Variants in TACC3 observed in about 807,000 individuals in gnomAD.
TACC3 encodes transforming acidic coiled-coil containing protein 3, also known as transforming acidic coiled-coil-containing protein 3.
In TACC3, 52 loss-of-function variants were observed where a neutral mutation model predicts 86.0. The ratio of observed to expected loss-of-function variants is 0.60; its 90% CI spans 0.48 to 0.76. The LOEUF is 0.76. Ranked by LOEUF, TACC3 falls within the 30% of genes least tolerant of loss-of-function variation. TACC3 has a pLI of 0.00. For missense variants in TACC3, 1,120 were observed against 1,070.4 expected (o/e 1.05, Z -0.65); for synonymous variants, 512 against 430.0 (o/e 1.19, Z -2.36).
rs1717833784 is a variant in TACC3, at chr4:1,728,561, A to G, written c.1159A>G (p.Arg387Gly). 1 of 1,613,976 alleles carries G rather than the reference A, an allele frequency of 6.2e-7. No homozygotes were observed. The highest frequency in any genetic ancestry group is 2.2e-5 in the East Asian group (1 of 44,880). ...GCAGGAGGTGGAGGAGGACGACGGT[A>G]GGAGCGGAGCAGGAGAGGACCCCCC... ...APQEVEEDDGRSGAGEDPPMP... is the reference protein window; with the variant it reads ...APQEVEEDDGGSGAGEDPPMP... The change falls in exon 4 of 16, where the codon AGG becomes GGG. Residue 387 changes from arginine to glycine, a missense_variant. Transcript: ENST00000313288.
intron 10 of TACC3, 62 bp downstream of exon 10, chr4:1,737,764 A>C (rs770735978): frequency 1.4e-6 from 2 of 1,457,974 alleles, no homozygotes; most frequent in Admixed American, 3.9e-5. Flanking sequence ...CTTGGCCAAC[A>C]GTGGGCAGGG....
chr4:1,736,843 G>A (rs1451788169), intron 8 of TACC3, among the ~76,000 whole-genome samples: 2 of 152,278 alleles, frequency 1.3e-5, no homozygotes, highest in East Asian at 1.9e-4. Flanking sequence ...CTGGGAGGCA[G>A]GGGTTGCAGG....
chr4:1,743,168 A>G (rs1473895495), intron 13 of TACC3, among the ~76,000 whole-genome samples: 2 of 151,008 alleles, frequency 1.3e-5, no homozygotes, highest in Non-Finnish European at 2.9e-5. Context: ...AGGCTGAGGC[A>G]GGAGAATCAA....
chr4:1,721,436 C>T (rs1717347974), upstream of TACC3: 4 of 152,068 alleles, frequency 2.6e-5, 1 homozygote, highest in Admixed American at 2.6e-4. Context: ...CGCCCGCCCT[C>T]CTGCGGTCCT....
intron 6 of TACC3, among the ~76,000 whole-genome samples, chr4:1,734,558 G>T (rs1240496235): frequency 6.6e-6 from 1 of 152,176 alleles, no homozygotes; most frequent in African/African-American, 2.4e-5. Flanking sequence ...TTCAAGACCA[G>T]CCCTGGCAAC....
intron 4 of TACC3, 34 bp from the exon 5 acceptor site, chr4:1,730,853 G>A (rs1027471749): frequency 6.2e-6 from 10 of 1,600,342 alleles, no homozygotes; most frequent in Non-Finnish European, 7.7e-6. Context: ...TATGGGGTGG[G>A]GGGCATGGGC....
chr4:1,724,001 C>G, intron 3 of TACC3, 131 bp downstream of exon 3: 1 of 1,020,188 alleles, frequency 9.8e-7, no homozygotes, highest in East Asian at 2.5e-5. Flanking sequence ...TGGAGTCTCG[C>G]TCTGTTGCCC....
chr4:1,742,327 G>A (rs1338758766), intron 13 of TACC3, among the ~76,000 whole-genome samples: 1 of 152,200 alleles, frequency 6.6e-6, no homozygotes, highest in Non-Finnish European at 1.5e-5. Context: ...CGGCTTTGCT[G>A]ACCTTCCCTC....
rs1196278619 is a variant in TACC3, at chr4:1,735,125, G to T, written c.1592-148G>T. 4.5e-6 allele frequency: 5 copies of T among 1,118,942 alleles called. No homozygotes were observed. Among genetic ancestry groups the T allele is most frequent in the Non-Finnish European group, 6.4e-6 (5 of 776,554 alleles). 69.3% of individuals were successfully genotyped at this position (1,118,942 alleles called of 1,614,324 possible). On this transcript the variant is annotated intron_variant, in intron 6 of 15. Transcript: ENST00000313288. This position sits in a 1 kb window ranked among gnomAD's most constrained non-coding sequence, Gnocchi z 4.2. ...CAGGAGGCGCCTGCCGCAGACAGCA[G>T]TCAGGCCCCGAACATCCACACCTCC...
chr4:1,737,442 C>A, intron 9 of TACC3, 114 bp downstream of exon 9: 1 of 1,177,734 alleles, frequency 8.5e-7, no homozygotes, highest in Non-Finnish European at 1.2e-6. Context: ...TTGTTGGGGG[C>A]ATGGGGCCGC....
chr4:1,736,586 T>C (rs11730727), intron 8 of TACC3, among the ~76,000 whole-genome samples: 48,219 of 151,822 alleles, frequency 0.32, 8,783 homozygotes, highest in East Asian at 0.69. Context: ...CAGAACTGAG[T>C]AGTGTGACAG....
intron 1 of TACC3, chr4:1,723,114 A>C: frequency 2.7e-6 from 1 of 376,000 alleles, no homozygotes; most frequent in Non-Finnish European, 4.9e-6. Flanking sequence ...AGCAGTAGAG[A>C]TTATGCAGGC....
intron 12 of TACC3, chr4:1,740,274 CAG>C: frequency 3.6e-6 from 2 of 560,338 alleles, no homozygotes. Context: ...GTGGTGGGAG[CAG>C]AGTCTGTCCC....
chr4:1,736,723 A>G (rs148746066), intron 8 of TACC3, among the ~76,000 whole-genome samples: 2 of 152,192 alleles, frequency 1.3e-5, no homozygotes, highest in East Asian at 3.9e-4. Flanking sequence ...AGCCTGGCCA[A>G]CATAGTGAAC....
intron 12 of TACC3, chr4:1,740,334 T>C: frequency 2.1e-6 from 1 of 465,596 alleles, no homozygotes; most frequent in Non-Finnish European, 3.9e-6. Flanking sequence ...CGGCTATGTC[T>C]AGCAGCAGCC....
At position 1,739,734 on chromosome 4, in the gene TACC3, G is replaced by A; in HGVS notation, c.1974G>A (p.Leu658=). 6.3e-7 allele frequency: 1 copy of A among 1,588,742 alleles called. No homozygotes were observed. Among genetic ancestry groups the A allele is most frequent in the Non-Finnish European group, 8.6e-7 (1 of 1,168,714 alleles). Residue 658 remains leucine (L), a synonymous_variant, in exon 11 of 16, where the codon CTG becomes CTA. Coordinates refer to ENST00000313288, the MANE Select transcript of TACC3 (RefSeq NM_006342.3). ...CGACACAGGAGGAGAACCGGGAGCT[G>A]AGGAGCAGGTGTGAGGAGCTCCACG... ...VKATQEENRE[L]RSRCEELHGK...
At chr4:1,733,248 A>G (rs746335261) in intron 6 of TACC3, among the ~76,000 whole-genome samples, 1 of 152,182 alleles carries the variant, frequency 6.6e-6, no homozygotes, top group Non-Finnish European at 1.5e-5. Flanking sequence ...TCCCTTGTCC[A>G]TTGAGCCACT....
intron 13 of TACC3, chr4:1,742,096 C>T (rs1718624807): frequency 6.6e-6 from 1 of 152,148 alleles, no homozygotes. Flanking sequence ...ACCCCCATCT[C>T]TAAAATTAAA....
chr4:1,735,121 A>G lies in TACC3; in HGVS notation c.1592-152A>G. On this transcript the variant is annotated intron_variant, in intron 6 of 15. Transcript: ENST00000313288. This position sits in a 1 kb window ranked among gnomAD's most constrained non-coding sequence, Gnocchi z 4.2. The stretch of plus-strand genomic sequence containing the variant: ...TGCCCAGGAGGCGCCTGCCGCAGAC[A>G]GCAGTCAGGCCCCGAACATCCACAC... The G allele has an allele frequency of 1.9e-6, 2 of 1,044,446 alleles. No individual in the cohort carries two copies. Among genetic ancestry groups the G allele is most frequent in the South Asian group, 1.5e-5 (1 of 66,602 alleles). The allele number at this position is 1,044,446 out of a possible 1,614,324, so 64.7% of individuals were successfully genotyped here.
Sources: allele counts gnomAD v4.1 joint callset (sites outside exome capture counted in the v4.1 genomes callset), GRCh38; gene constraint gnomAD v4.1.1; non-coding constraint Gnocchi (gnomAD v3.1); transcripts MANE v1.5; gene names NCBI Gene and HGNC (gene_info 2026-07-23, HGNC 2026-07-21).